Variants in YWHAE observed in about 807,000 individuals in gnomAD.
YWHAE encodes 14-3-3 protein epsilon.
In YWHAE, 4 loss-of-function variants were observed where a neutral mutation model predicts 30.1. That is an observed-to-expected ratio of 0.13 (90% CI 0.07 to 0.30). The LOEUF is 0.30. Ranked by LOEUF, YWHAE falls within the 10% of genes least tolerant of loss-of-function variation. The pLI is 1.00. For synonymous variants in YWHAE, 118 were observed against 111.8 expected (o/e 1.06, Z -0.35); for missense variants, 121 against 315.9 (o/e 0.38, Z 4.68).
chr17:1,377,323 C>T (rs573964654), intron 1 of YWHAE, among the ~76,000 whole-genome samples: 1 of 152,294 alleles, frequency 6.6e-6, no homozygotes, highest in South Asian at 2.1e-4. Context: ...AGAGTCTGAG[C>T]TTTTAGCCAT....
chr17:1,379,990 T>TA (rs1340995942), intron 1 of YWHAE, among the ~76,000 whole-genome samples: 1 of 152,048 alleles, frequency 6.6e-6, no homozygotes, highest in Non-Finnish European at 1.5e-5. Flanking sequence ...AGTACCCACA[T>TA]ACCACGTGCA....
chr17:1,381,460 G>C (rs2073205225), intron 1 of YWHAE, among the ~76,000 whole-genome samples: 1 of 152,102 alleles, frequency 6.6e-6, no homozygotes, highest in Non-Finnish European at 1.5e-5. Context: ...AGTGAGCTGA[G>C]ATTGTGTCAC....
intron 5 of YWHAE, among the ~76,000 whole-genome samples, 165 bp from the exon 6 acceptor site, chr17:1,345,664 G>A (rs1284074647): frequency 6.6e-6 from 1 of 152,110 alleles, no homozygotes; most frequent in Non-Finnish European, 1.5e-5. Context: ...AGATGCCTAA[G>A]CCAAGAAGGG....
intron 5 of YWHAE, among the ~76,000 whole-genome samples, chr17:1,351,607 T>C (rs182255309): frequency 1.3e-5 from 2 of 152,122 alleles, no homozygotes; most frequent in East Asian, 3.9e-4. Context: ...TGTTTGACCA[T>C]TCTTCTTCAT....
At chr17:1,391,233 G>A (rs2073385898) in intron 1 of YWHAE, among the ~76,000 whole-genome samples, 1 of 152,078 alleles carries the variant, frequency 6.6e-6, no homozygotes, top group African/African-American at 2.4e-5. Context: ...AGGGAGCTAG[G>A]AGGAGGAAAT....
At chr17:1,347,856 G>A (rs2072552554) in intron 5 of YWHAE, 2 of 657,930 alleles carry the variant, frequency 3.0e-6, no homozygotes, top group Admixed American at 6.2e-5. Flanking sequence ...CGCCCTGGAA[G>A]GTGGAACAGG....
At chr17:1,355,113 T>A (rs955693344) in intron 4 of YWHAE, among the ~76,000 whole-genome samples, 1,702 of 14,912 alleles carry the variant, frequency 0.11, 164 homozygotes, top group African/African-American at 0.26. Flanking sequence ...CCCCAAGATT[T>A]TTTAAAAAAA....
chr17:1,367,151 A>C (rs2072957874), intron 1 of YWHAE, among the ~76,000 whole-genome samples: 1 of 152,204 alleles, frequency 6.6e-6, no homozygotes, highest in East Asian at 1.9e-4. Flanking sequence ...TGCATCATCC[A>C]GAAGAAAAAT....
At chr17:1,393,772 A>G (rs1373031377) in intron 1 of YWHAE, among the ~76,000 whole-genome samples, 3 of 152,134 alleles carry the variant, frequency 2.0e-5, no homozygotes, top group African/African-American at 7.2e-5. Flanking sequence ...CTTTTGCTTA[A>G]AGAGGTGACA....
intron 5 of YWHAE, among the ~76,000 whole-genome samples, chr17:1,346,823 G>GA (rs984826971): frequency 4.0e-5 from 6 of 148,898 alleles, no homozygotes; most frequent in Admixed American, 2.7e-4. Flanking sequence ...CATCTCTACT[G>GA]AAAAAATAAT....
chr17:1,348,110 G>A (rs2072557385), intron 5 of YWHAE: 6 of 498,842 alleles, frequency 1.2e-5, no homozygotes, highest in Non-Finnish European at 1.6e-5. Flanking sequence ...TGATACAGGA[G>A]CCGGACTTTG....
chr17:1,370,119 CTTTTTTTTTTTTTTTT>C (rs538497835), intron 1 of YWHAE, among the ~76,000 whole-genome samples: 1 of 76,318 alleles, frequency 1.3e-5, no homozygotes, highest in Non-Finnish European at 2.4e-5. Flanking sequence ...CACAGAAAAA[CTTTTTTTTTTTTTTTT>C]TTTTTTTTTT....
At chr17:1,394,183 ATCTC>A (rs776064375) in intron 1 of YWHAE, among the ~76,000 whole-genome samples, 3 of 152,060 alleles carry the variant, frequency 2.0e-5, no homozygotes, top group African/African-American at 4.8e-5. Flanking sequence ...TCATAAAAAA[ATCTC>A]TCTCTCAAAC....
At chr17:1,366,955 A>G (rs780851860) in intron 1 of YWHAE, among the ~76,000 whole-genome samples, 21 of 152,164 alleles carry the variant, frequency 1.4e-4, no homozygotes, top group Non-Finnish European at 2.6e-4. Flanking sequence ...AAAAAACACA[A>G]AACAAAAACC....
chr17:1,376,571 C>G (rs2073128355), intron 1 of YWHAE, among the ~76,000 whole-genome samples: 1 of 152,120 alleles, frequency 6.6e-6, no homozygotes, highest in South Asian at 2.1e-4. Context: ...TGGGCTCAAG[C>G]AATCCTCCCA....
At chr17:1,394,436 C>CAAAAAAAAAAAAAAAAAAAAAAAAAAA (rs544115909) in intron 1 of YWHAE, among the ~76,000 whole-genome samples, 4 of 58,548 alleles carry the variant, frequency 6.8e-5, no homozygotes, top group African/African-American at 2.6e-4. Flanking sequence ...CTCAAATCCA[C>CAAAAAAAAAAAAAAAAAAAAAAAAAAA]AAAAAAAAAA....
chr17:1,351,212 T>C (rs529983062), intron 5 of YWHAE, among the ~76,000 whole-genome samples: 1 of 151,506 alleles, frequency 6.6e-6, no homozygotes, highest in African/African-American at 2.4e-5. Context: ...TACAAAAAAT[T>C]AGCTAGGAGT....
At chr17:1,377,886 T>C (rs988517223) in intron 1 of YWHAE, among the ~76,000 whole-genome samples, 2 of 152,074 alleles carry the variant, frequency 1.3e-5, no homozygotes, top group African/African-American at 4.8e-5. Context: ...CCGTCTCTAC[T>C]AAAAATACAA....
chr17:1,373,140 C>T (rs1404078704), intron 1 of YWHAE, among the ~76,000 whole-genome samples: 1 of 150,566 alleles, frequency 6.6e-6, no homozygotes, highest in Non-Finnish European at 1.5e-5. Context: ...CTACTCGGGA[C>T]GCTGAGGCAG....
Sources: gnomAD v4.1 joint callset for allele counts (sites outside exome capture counted in the v4.1 genomes callset) on GRCh38, gnomAD v4.1.1 for gene constraint, MANE v1.5 for transcripts, NCBI Gene and HGNC (gene_info 2026-07-23, HGNC 2026-07-21) for gene names.